The following TIA1 variants were observed in gnomAD, a reference collection of about 807,000 sequenced individuals.
The protein encoded by TIA1 is TIA1 cytotoxic granule associated RNA binding protein.
A neutral mutation model predicts 65.9 loss-of-function variants in TIA1; 23 were observed. The ratio of observed to expected loss-of-function variants is 0.35; its 90% CI spans 0.25 to 0.49. TIA1 has a LOEUF of 0.49. Among genes scored for constraint, TIA1 ranks in the 20% least tolerant of loss-of-function variants. The pLI is 0.98. For synonymous variants in TIA1, 147 were observed against 149.4 expected (o/e 0.98, Z 0.12); for missense variants, 371 against 477.9 (o/e 0.78, Z 2.09).
chr2:70,245,038 T>G (rs1693672987), intron 1 of TIA1, among the ~76,000 whole-genome samples: 1 of 151,962 alleles, frequency 6.6e-6, no homozygotes, highest in Non-Finnish European at 1.5e-5. Flanking sequence ...CAGGCTGGAG[T>G]GCAGTGGCGT....
chr2:70,243,035 CA>C (rs1692617948), intron 1 of TIA1, among the ~76,000 whole-genome samples: 1 of 152,164 alleles, frequency 6.6e-6, no homozygotes, highest in South Asian at 2.1e-4. Context: ...TGTACTGTCT[CA>C]GAATGACTTC....
chr2:70,222,603 A>G (rs977880586), intron 7 of TIA1, among the ~76,000 whole-genome samples: 5 of 152,224 alleles, frequency 3.3e-5, no homozygotes, highest in African/African-American at 1.2e-4. Context: ...TTAAATTTAT[A>G]GAAGATTTTA....
intron 7 of TIA1, 58 bp downstream of exon 7, chr2:70,224,496 G>A (rs572289230): frequency 3.3e-4 from 536 of 1,604,364 alleles, no homozygotes; most frequent in Non-Finnish European, 4.3e-4. Context: ...TAATTAAAAC[G>A]GAGTGTTTCC....
Position 70,212,283 on chromosome 2 carries a change from T to C in TIA1, c.*436A>G, listed in dbSNP as rs1573113717. On this transcript the variant is annotated 3_prime_UTR_variant, in exon 13 of 13. Coordinates refer to ENST00000433529, the MANE Select transcript of TIA1 (RefSeq NM_022173.4). ...AACAGAATTGTGCACAAGCTGAAGA[T>C]GACAAACAACTTCTAGACTCTGCAC... The C allele has an allele frequency of 6.4e-6, 1 of 155,402 alleles. No individual in the cohort carries two copies. The highest frequency in any genetic ancestry group is 1.9e-4 in the South Asian group (1 of 5,138). 9.6% of individuals were successfully genotyped at this position (155,402 alleles called of 1,614,324 possible). A position where few individuals can be genotyped will look rare whatever the true frequency, so the allele number is the denominator to read the frequency against.
Position 70,216,982 on chromosome 2 carries a change from C to A in TIA1, c.487G>T (p.Ala163Ser), listed in dbSNP as rs139154867. 1 of 1,612,850 alleles carries A rather than the reference C, an allele frequency of 6.2e-7. No individual in the cohort carries two copies. ...SFFNKWDAEN[A>S]IQQMGGQWLG... is the part of the protein sequence containing the mutation. ...CACTGGCCACCCATCTGTTGAATGG[C>A]GTTTTCAGCATCCTGTTCCGTACAA... Residue 163 changes from alanine (A) to serine (S), a missense_variant, in exon 8 of 13, where the codon GCC becomes TCC. Coordinates refer to ENST00000433529, the MANE Select transcript of TIA1 (RefSeq NM_022173.4).
At chr2:70,225,176 T>C (rs540166761) in intron 6 of TIA1, 116 of 1,026,122 alleles carry the variant, frequency 1.1e-4, no homozygotes, top group East Asian at 4.0e-4. Flanking sequence ...TGTTAAATCA[T>C]TGAAGAAAAA....
chr2:70,224,920 C>G (rs1371422176), intron 6 of TIA1: 1 of 1,121,056 alleles, frequency 8.9e-7, no homozygotes, highest in African/African-American at 1.6e-5. Flanking sequence ...AAAGCAGCTA[C>G]TCACATGAAC....
At chr2:70,229,470 C>A in intron 3 of TIA1, 152 bp from the exon 4 acceptor site, 1 of 638,276 alleles carries the variant, frequency 1.6e-6, no homozygotes, top group Non-Finnish European at 2.7e-6. Context: ...ATCTTCTGAC[C>A]TACATTTAGG....
At chr2:70,214,545 C>A in intron 11 of TIA1, 51 bp from the exon 12 acceptor site, 1 of 1,381,708 alleles carries the variant, frequency 7.2e-7, no homozygotes, top group South Asian at 1.5e-5. Context: ...ATATACAATC[C>A]TAATATGCTG....
rs905515060 is a variant in TIA1, at chr2:70,227,609, C to A, written c.398+126G>T. 4 of 559,636 alleles carry A rather than the reference C, an allele frequency of 7.1e-6. No homozygotes were observed. In the East Asian group the frequency reaches 9.3e-5, roughly 13 times the overall value. 34.7% of individuals were successfully genotyped at this position (559,636 alleles called of 1,614,324 possible). ...GTTAACTTCTTGAATGATCTCTAAA[C>A]AATGTAATACATTATATTCAAGTTA... On this transcript the variant is annotated intron_variant, in intron 6 of 12. Transcript: ENST00000433529.
intron 12 of TIA1, 114 bp downstream of exon 12, chr2:70,214,235 G>A: frequency 8.5e-7 from 1 of 1,174,158 alleles, no homozygotes; most frequent in Non-Finnish European, 1.2e-6. Context: ...CAAGGCTATA[G>A]TTACGCTTTA....
intron 1 of TIA1, among the ~76,000 whole-genome samples, chr2:70,239,739 G>T (rs1365336697): frequency 6.6e-6 from 1 of 152,126 alleles, no homozygotes; most frequent in Non-Finnish European, 1.5e-5. Flanking sequence ...GACATTTAAC[G>T]ATCAGGTAAA....
At chr2:70,216,320 A>C (rs1018027716) in intron 9 of TIA1, 28 bp from the exon 10 acceptor site, 2 of 1,580,004 alleles carry the variant, frequency 1.3e-6, no homozygotes, top group Non-Finnish European at 1.7e-6. Flanking sequence ...AAAACAAACA[A>C]ATCACACTAA....
chr2:70,239,125 C>T (rs1690513272), intron 1 of TIA1, among the ~76,000 whole-genome samples: 1 of 152,186 alleles, frequency 6.6e-6, no homozygotes, highest in Non-Finnish European at 1.5e-5. Flanking sequence ...CGGAGTCTTG[C>T]TCTGTCGCCC....
In TIA1 at chr2:70,211,838, AAAT is replaced by A; in HGVS notation, c.*878_*880del. On this transcript the variant is annotated 3_prime_UTR_variant, in exon 13 of 13. Coordinates refer to ENST00000433529, the MANE Select transcript of TIA1 (RefSeq NM_022173.4). ...AATTGCTAAAACATTTTACATAATG[AAAT>A]AATACATGTAAATGTTGAAGTTGAC... is the stretch of plus-strand genomic sequence containing the variant. 2.0e-5 allele frequency: 3 copies of A among 152,740 alleles called. No individual in the cohort carries two copies. The highest frequency in any genetic ancestry group is 2.0e-4 in the Admixed American group (3 of 15,300). 9.5% of individuals were successfully genotyped at this position (152,740 alleles called of 1,614,324 possible). A position where few individuals can be genotyped will look rare whatever the true frequency, so the allele number is the denominator to read the frequency against.
At chr2:70,224,319 G>T in intron 7 of TIA1, 1 of 500,126 alleles carries the variant, frequency 2.0e-6, no homozygotes, top group South Asian at 3.2e-5. Context: ...ATCTACCTTT[G>T]GCTGATAATT....
intron 7 of TIA1, among the ~76,000 whole-genome samples, chr2:70,217,382 G>A (rs1286357207): frequency 1.4e-5 from 2 of 147,894 alleles, no homozygotes; most frequent in East Asian, 2.0e-4. Context: ...ATATTGGCCA[G>A]GCTGGTCTCG....
intron 1 of TIA1, among the ~76,000 whole-genome samples, chr2:70,239,103 T>C (rs983639068): frequency 6.6e-6 from 1 of 152,146 alleles, no homozygotes; most frequent in African/African-American, 2.4e-5. Flanking sequence ...TATTTATTCA[T>C]TTATTTAGAG....
rs1411326066 is a variant in TIA1, at chr2:70,210,907, G to A, written c.*1812C>T. 2 of 152,170 alleles carry A rather than the reference G, an allele frequency of 1.3e-5. No homozygotes were observed. The highest frequency in any genetic ancestry group is 4.8e-5 in the African/African-American group (2 of 41,442). 9.4% of individuals were successfully genotyped at this position (152,170 alleles called of 1,614,324 possible). A position where few individuals can be genotyped will look rare whatever the true frequency, so the allele number is the denominator to read the frequency against. On this transcript the variant is annotated 3_prime_UTR_variant, in exon 13 of 13. Transcript: ENST00000433529. ...ACTTAAAAATACACAGTGACTTAAT[G>A]AAATATCAGCACAACTGCATAGAAT...
Sources: gnomAD v4.1 joint callset for allele counts (sites outside exome capture counted in the v4.1 genomes callset) on GRCh38, gnomAD v4.1.1 for gene constraint, MANE v1.5 for transcripts, NCBI Gene and HGNC (gene_info 2026-07-23, HGNC 2026-07-21) for gene names.